ART4: variants seen among roughly 807,000 people sequenced by gnomAD.
ART4 encodes ecto-ADP-ribosyltransferase 4.
A neutral mutation model predicts 24.2 loss-of-function variants in ART4; 14 were observed. The observed-to-expected ratio is 0.58, with a 90% CI of 0.38 to 0.90. ART4 has a LOEUF of 0.90. ART4 is among the 40% of genes least tolerant of loss of function. The pLI, the probability that ART4 is intolerant of heterozygous loss-of-function variation, is 0.00. For missense variants in ART4, 356 were observed against 366.6 expected, an observed-to-expected ratio of 0.97 and a Z score of 0.24; for synonymous variants, 145 against 139.9, an observed-to-expected ratio of 1.04 and a Z score of -0.26.
chr12:14,835,670 A>C (rs1950425551), intron 2 of ART4, among the ~76,000 whole-genome samples: 1 of 151,086 alleles, frequency 6.6e-6, no homozygotes, highest in Non-Finnish European at 1.5e-5. Context: ...CAGTGGCGCG[A>C]TCTTGGCTCA....
chr12:14,842,645 G>C (rs999312332), intron 1 of ART4, among the ~76,000 whole-genome samples: 10 of 152,068 alleles, frequency 6.6e-5, no homozygotes, highest in African/African-American at 2.4e-4. Flanking sequence ...AAGTCAATCT[G>C]TATGCTAGAG....
intron 2 of ART4, among the ~76,000 whole-genome samples, chr12:14,839,907 A>G (rs1156981688): frequency 2.0e-5 from 3 of 152,192 alleles, no homozygotes; most frequent in Non-Finnish European, 4.4e-5. Flanking sequence ...GTTTGCTTAA[A>G]TATTTGGTAT....
At chr12:14,840,408 T>C (rs1355438372) in intron 2 of ART4, 37 bp downstream of exon 2, 2 of 1,521,216 alleles carry the variant, frequency 1.3e-6, no homozygotes, top group East Asian at 4.5e-5. Context: ...AGCAGTGGTC[T>C]GTGATCCTGA....
chr12:14,837,212 C>T lies in ART4; in HGVS notation c.853+3233G>A, dbSNP rs76451034. Among the ~76,000 whole-genome samples, 314 of 152,274 alleles carry T rather than the reference C, an allele frequency of 2.1e-3. 5 individuals are homozygous for T. The East Asian group carries it at 0.05, about 24-fold the overall frequency. Reference sequence around the variant, plus strand: ...TAAATTTCTGGGAAAAATTTAGTTACGGTAACTCACATTGCAAGTGACCAT... The same window carrying T: ...TAAATTTCTGGGAAAAATTTAGTTATGGTAACTCACATTGCAAGTGACCAT... On this transcript the variant is annotated intron_variant, in intron 2 of 2. Coordinates refer to ENST00000228936, the MANE Select transcript of ART4 (RefSeq NM_021071.4).
chr12:14,837,981 C>T (rs1474090857), intron 2 of ART4, among the ~76,000 whole-genome samples: 1 of 152,146 alleles, frequency 6.6e-6, no homozygotes, highest in Non-Finnish European at 1.5e-5. Flanking sequence ...GCTCAAACTG[C>T]CTGCCTGCCT....
At chr12:14,835,786 A>C (rs1950426513) in intron 2 of ART4, among the ~76,000 whole-genome samples, 1 of 152,006 alleles carries the variant, frequency 6.6e-6, no homozygotes, top group Admixed American at 6.5e-5. Flanking sequence ...TTGTATTTTT[A>C]GTAGAGACGG....
intron 2 of ART4, among the ~76,000 whole-genome samples, chr12:14,839,690 T>C (rs947351162): frequency 1.3e-5 from 2 of 152,250 alleles, no homozygotes; most frequent in African/African-American, 2.4e-5. Context: ...GCCCATTTCA[T>C]ACCACTGTTG....
intron 2 of ART4, among the ~76,000 whole-genome samples, chr12:14,838,283 TGTGA>T (rs1950443766): frequency 6.6e-6 from 1 of 152,206 alleles, no homozygotes; most frequent in African/African-American, 2.4e-5. Context: ...AGTGGCAGAA[TGTGA>T]GTAATGGTTT....
chr12:14,830,782 C>G (rs1950391930), intron 2 of ART4, among the ~76,000 whole-genome samples: 1 of 146,600 alleles, frequency 6.8e-6, no homozygotes, highest in Admixed American at 6.9e-5. Context: ...TTCAAGACCT[C>G]AATTTTCACC....
intron 2 of ART4, among the ~76,000 whole-genome samples, chr12:14,839,135 C>A (rs1293635350): frequency 6.6e-6 from 1 of 152,130 alleles, no homozygotes; most frequent in South Asian, 2.1e-4. Flanking sequence ...TTAAAAACTT[C>A]TAATTACTTC....
Position 14,826,715 on chromosome 12 carries a change from G to C in ART4, c.*2656C>G, listed in dbSNP as rs1223102480. The C allele has an allele frequency of 1.3e-5, 2 of 152,170 alleles. No homozygotes were observed. Among genetic ancestry groups the C allele is most frequent in the African/African-American group, 4.8e-5 (2 of 41,420 alleles). The allele number at this position is 152,170 out of a possible 1,614,324, so 9.4% of individuals were successfully genotyped here. Reference sequence around the variant, plus strand: ...AGACCTATCTGCTCCCTGACCTTATGCTGTACATACATCGATCATTCCGTA... The same window carrying C: ...AGACCTATCTGCTCCCTGACCTTATCCTGTACATACATCGATCATTCCGTA... On this transcript the variant is annotated 3_prime_UTR_variant, in exon 3 of 3. Transcript: ENST00000228936.
intron 2 of ART4, among the ~76,000 whole-genome samples, chr12:14,829,955 C>T (rs1023879040): frequency 1.3e-5 from 2 of 152,090 alleles, no homozygotes; most frequent in African/African-American, 4.8e-5. Flanking sequence ...AAAAACTTGC[C>T]AGTGTCACAC....
intron 2 of ART4, among the ~76,000 whole-genome samples, chr12:14,839,324 G>T (rs1175033691): frequency 6.6e-6 from 1 of 152,144 alleles, no homozygotes; most frequent in Non-Finnish European, 1.5e-5. Context: ...AGTCCCTGAA[G>T]ACACCAGGCT....
intron 2 of ART4, among the ~76,000 whole-genome samples, chr12:14,829,720 T>C (rs1448653863): frequency 6.6e-6 from 1 of 152,214 alleles, no homozygotes; most frequent in East Asian, 1.9e-4. Flanking sequence ...ATTTTCCATC[T>C]TTATCATCAC....
At chr12:14,837,556 C>T (rs149207845) in intron 2 of ART4, among the ~76,000 whole-genome samples, 9 of 152,218 alleles carry the variant, frequency 5.9e-5, no homozygotes, top group African/African-American at 2.2e-4. Context: ...CTCTATCGCC[C>T]AGGCTGGAGT....
intron 2 of ART4, 90 bp downstream of exon 2, chr12:14,840,355 C>T (rs1381629242): frequency 8.8e-7 from 1 of 1,131,926 alleles, no homozygotes; most frequent in Non-Finnish European, 1.2e-6. Context: ...TGTTTTTGAT[C>T]TTTCCCCAAA....
chr12:14,829,921 T>C (rs1479909564), intron 2 of ART4, among the ~76,000 whole-genome samples: 1 of 152,236 alleles, frequency 6.6e-6, no homozygotes, highest in Admixed American at 6.5e-5. Flanking sequence ...TTTTACTTGA[T>C]GAGATTGTGA....
At chr12:14,833,818 C>A (rs1281947138) in intron 2 of ART4, among the ~76,000 whole-genome samples, 1 of 152,134 alleles carries the variant, frequency 6.6e-6, no homozygotes, top group African/African-American at 2.4e-5. Context: ...CTATCTATAG[C>A]CTCTTTCTGT....
intron 2 of ART4, among the ~76,000 whole-genome samples, chr12:14,834,264 GAC>G (rs1157453246): frequency 2.0e-5 from 3 of 152,204 alleles, no homozygotes; most frequent in African/African-American, 7.2e-5. Flanking sequence ...ATCTGAGACA[GAC>G]ACTCTACTTC....
Sources: allele counts gnomAD v4.1 joint callset (sites outside exome capture counted in the v4.1 genomes callset), GRCh38; gene constraint gnomAD v4.1.1; transcripts MANE v1.5; gene names NCBI Gene and HGNC (gene_info 2026-07-23, HGNC 2026-07-21).